UBE2G1: variants seen among roughly 807,000 people sequenced by gnomAD.
UBE2G1 encodes ubiquitin conjugating enzyme E2 G1, also known as ubiquitin-conjugating enzyme E2 G1.
A neutral mutation model predicts 22.7 loss-of-function variants in UBE2G1; 5 were observed. The ratio of observed to expected loss-of-function variants is 0.22; its 90% confidence interval spans 0.12 to 0.46. The LOEUF (loss-of-function observed/expected upper bound fraction) is 0.46, where lower values mean the gene tolerates loss of function less well. UBE2G1 is among the 20% of genes least tolerant of loss of function. The pLI is 0.99. For missense variants in UBE2G1, 88 were observed against 203.9 expected (o/e 0.43, Z 3.46); for synonymous variants, 74 against 67.5 (o/e 1.10, Z -0.47).
In UBE2G1 at chr17:4,270,886, G is replaced by A. The variant is rs1402007128; in HGVS notation, c.*1668C>T. On this transcript the variant is annotated 3_prime_UTR_variant, in exon 6 of 6. Transcript: ENST00000396981. ...AAAAGGACATACAACGTTTGTAGAG[G>A]TCTGGGCTCTTGGCAGGAGTTCTTT... 1.3e-5 allele frequency: 2 copies of A among 152,134 alleles called. No individual in the cohort carries two copies. Among genetic ancestry groups the A allele is most frequent in the South Asian group, 2.1e-4 (1 of 4,826 alleles). The allele number at this position is 152,134 out of a possible 1,614,324, so 9.4% of individuals were successfully genotyped here. A position where few individuals can be genotyped will look rare whatever the true frequency, so the allele number is the denominator to read the frequency against.
chr17:4,320,276 A>G (rs1177653338), intron 1 of UBE2G1, among the ~76,000 whole-genome samples: 1 of 152,160 alleles, frequency 6.6e-6, no homozygotes, highest in Non-Finnish European at 1.5e-5. Flanking sequence ...CTCATCCTGG[A>G]CATCAGGAAG....
At position 4,357,261 on chromosome 17, in the gene UBE2G1, A is replaced by C. The variant is rs1005917411; in HGVS notation, c.46+9010T>G. 2.0e-5 allele frequency among the ~76,000 whole-genome samples: 3 copies of C among 152,238 alleles called. 1 individual carries two copies. Among genetic ancestry groups the C allele is most frequent in the Middle Eastern group, 6.8e-3 (2 of 294 alleles). On this transcript the variant is annotated intron_variant, in intron 1 of 5. Coordinates refer to ENST00000396981, the MANE Select transcript of UBE2G1 (RefSeq NM_003342.5). ...TTTCAAGTAACCCTTATTTTACTTAATAATGGCCCCAGAGTGCAAGAGTAG... is the reference window on the plus strand; with the variant it reads ...TTTCAAGTAACCCTTATTTTACTTACTAATGGCCCCAGAGTGCAAGAGTAG...
chr17:4,286,701 T>A (rs556787531), intron 4 of UBE2G1, among the ~76,000 whole-genome samples: 1 of 152,258 alleles, frequency 6.6e-6, no homozygotes, highest in South Asian at 2.1e-4. Context: ...ATAAAGTAAT[T>A]TTTGCATATT....
In UBE2G1 at chr17:4,288,250, T is replaced by C. The variant is rs376621222; in HGVS notation, c.426+980A>G. On this transcript the variant is annotated intron_variant, in intron 4 of 5. Coordinates refer to ENST00000396981, the MANE Select transcript of UBE2G1 (RefSeq NM_003342.5). ...TATGAACTTCAGACCAGGCATTAAATTGTCTTAGGTATGACAATCGCTTTT... is the reference window on the plus strand; with the variant it reads ...TATGAACTTCAGACCAGGCATTAAACTGTCTTAGGTATGACAATCGCTTTT... 1.1e-4 allele frequency among the ~76,000 whole-genome samples: 17 copies of C among 152,296 alleles called. No individual in the cohort carries two copies. In the East Asian group the frequency reaches 2.7e-3, roughly 24 times the overall value.
intron 1 of UBE2G1, among the ~76,000 whole-genome samples, chr17:4,353,104 C>G (rs945124511): frequency 6.6e-6 from 1 of 151,934 alleles, no homozygotes; most frequent in Non-Finnish European, 1.5e-5. Context: ...TGTAGTCCCA[C>G]GTACCCAGGA....
chr17:4,365,977 C>A (rs1597271719), intron 1 of UBE2G1, among the ~76,000 whole-genome samples: 1 of 152,020 alleles, frequency 6.6e-6, no homozygotes, highest in Non-Finnish European at 1.5e-5. Context: ...GCACACAGCC[C>A]CTCCCCCGCA....
chr17:4,286,593 CCTATTTCA>C (rs1968966416), intron 4 of UBE2G1, among the ~76,000 whole-genome samples: 1 of 152,032 alleles, frequency 6.6e-6, no homozygotes, highest in Admixed American at 6.6e-5. Flanking sequence ...CACATTAAGG[CCTATTTCA>C]ACACTTAGGA....
intron 1 of UBE2G1, among the ~76,000 whole-genome samples, chr17:4,355,307 A>T (rs972329080): frequency 6.7e-6 from 1 of 150,352 alleles, no homozygotes; most frequent in African/African-American, 2.4e-5. Context: ...GATTACAGGC[A>T]TGAGTCACTA....
chr17:4,287,229 C>T (rs554855082), intron 4 of UBE2G1, among the ~76,000 whole-genome samples: 1 of 151,674 alleles, frequency 6.6e-6, no homozygotes, highest in Non-Finnish European at 1.5e-5. Flanking sequence ...CTCAGTCTCC[C>T]AAGCAGCTGG....
intron 1 of UBE2G1, among the ~76,000 whole-genome samples, chr17:4,309,523 T>C (rs1193019549): frequency 6.6e-6 from 1 of 152,266 alleles, no homozygotes; most frequent in Non-Finnish European, 1.5e-5. Flanking sequence ...TATGCACGCA[T>C]ATGTGTACTG....
At chr17:4,319,185 A>C (rs1228759194) in intron 1 of UBE2G1, among the ~76,000 whole-genome samples, 1 of 152,240 alleles carries the variant, frequency 6.6e-6, no homozygotes, top group Non-Finnish European at 1.5e-5. Flanking sequence ...TATAATAATA[A>C]ATATACAGAT....
chr17:4,336,515 A>G (rs1240304300), intron 1 of UBE2G1, among the ~76,000 whole-genome samples: 1 of 152,118 alleles, frequency 6.6e-6, no homozygotes, highest in African/African-American at 2.4e-5. Context: ...CAAAATTTTC[A>G]TAATATATAG....
rs1433404528 is a variant in UBE2G1, at chr17:4,304,903, G to A, written c.149+2118C>T. Among the ~76,000 whole-genome samples the A allele has an allele frequency of 4.0e-5, 6 of 151,104 alleles. No homozygotes were observed. In the East Asian group the frequency reaches 7.7e-4, roughly 19 times the overall value. On this transcript the variant is annotated intron_variant, in intron 2 of 5. Transcript: ENST00000396981. Reference sequence around the variant, plus strand: ...TGGCCTCTACTCTCTCCATTCCACTGAAATAATTACAAGAACCTCACTACT... The same window carrying A: ...TGGCCTCTACTCTCTCCATTCCACTAAAATAATTACAAGAACCTCACTACT...
intron 1 of UBE2G1, among the ~76,000 whole-genome samples, chr17:4,364,777 TCAC>T (rs1449655961): frequency 6.6e-6 from 1 of 151,838 alleles, no homozygotes; most frequent in Non-Finnish European, 1.5e-5. Context: ...GACGGGGGTT[TCAC>T]CACTTTGGCC....
At chr17:4,349,576 G>A (rs1969819283) in intron 1 of UBE2G1, among the ~76,000 whole-genome samples, 1 of 151,960 alleles carries the variant, frequency 6.6e-6, no homozygotes, top group Admixed American at 6.6e-5. Flanking sequence ...AGGCGCTGTG[G>A]CTCACGCCTG....
intron 1 of UBE2G1, among the ~76,000 whole-genome samples, chr17:4,337,955 G>C (rs150374916): frequency 0.036 from 5,539 of 152,222 alleles, 357 homozygotes; most frequent in African/African-American, 0.13. Flanking sequence ...TGGATCACGA[G>C]GTCAGGAGAT....
chr17:4,291,922 T>C (rs1005663219), intron 3 of UBE2G1, among the ~76,000 whole-genome samples: 33 of 152,244 alleles, frequency 2.2e-4, no homozygotes, highest in Non-Finnish European at 4.0e-4. Context: ...GTTATGTACT[T>C]AATGTTTACT....
chr17:4,276,230 G>A (rs945140541), intron 5 of UBE2G1, among the ~76,000 whole-genome samples: 7 of 151,906 alleles, frequency 4.6e-5, no homozygotes, highest in African/African-American at 1.7e-4. Context: ...ACCCTCTGTC[G>A]CCCAGGCTGG....
intron 1 of UBE2G1, among the ~76,000 whole-genome samples, chr17:4,331,272 G>A (rs1969574299): frequency 6.6e-6 from 1 of 152,034 alleles, no homozygotes; most frequent in South Asian, 2.1e-4. Flanking sequence ...AATAATCAAG[G>A]ATTATGTATA....
Sources: gnomAD v4.1 joint callset for allele counts (sites outside exome capture counted in the v4.1 genomes callset) on GRCh38, gnomAD v4.1.1 for gene constraint, MANE v1.5 for transcripts, NCBI Gene and HGNC (gene_info 2026-07-23, HGNC 2026-07-21) for gene names.